The following EVI5 variants were observed in gnomAD, a reference collection of about 807,000 sequenced individuals.
The protein encoded by EVI5 is ecotropic viral integration site 5 protein homolog.
In EVI5, 73 loss-of-function variants were observed where a neutral mutation model predicts 112.0. That is an observed-to-expected ratio of 0.65 (90% confidence interval 0.54 to 0.79). The LOEUF (loss-of-function observed/expected upper bound fraction) is 0.79, where lower values mean the gene tolerates loss of function less well. Among genes scored for constraint, EVI5 ranks in the 30% least tolerant of loss-of-function variants. The probability of loss-of-function intolerance (pLI) is 0.00; values close to 1 mark genes in which losing one functional copy is unlikely to be tolerated. For missense variants in EVI5, 900 were observed against 968.8 expected (o/e 0.93, Z 0.94); for synonymous variants, 305 against 319.9 (o/e 0.95, Z 0.50).
chr1:92,676,067 C>G (rs1666699364), intron 10 of EVI5, among the ~76,000 whole-genome samples: 1 of 147,586 alleles, frequency 6.8e-6, no homozygotes, highest in African/African-American at 2.5e-5. Context: ...GGGGTCTTTT[C>G]TATATATATA....
In EVI5 at chr1:92,694,317, G is replaced by T; in HGVS notation, c.981C>A (p.Asp327Glu). Residue 327 changes from aspartate to glutamate, a missense_variant, in exon 8 of 20, where the codon GAC (aspartate) becomes GAA (glutamate). Coordinates refer to ENST00000684568, the MANE Select transcript of EVI5 (RefSeq NM_001350197.2). ...AACTTACCTGTAACATCCCTTCCAT[G>T]TCAAGTTGCATCAGTTCTGCCTGAT... ...QMNQAELMQL[D>E]MEGMLQHFQK... The T allele has an allele frequency of 6.3e-7, 1 of 1,579,524 alleles. No homozygotes were observed. Among genetic ancestry groups the T allele is most frequent in the Non-Finnish European group, 8.7e-7 (1 of 1,152,728 alleles).
intron 18 of EVI5, among the ~76,000 whole-genome samples, chr1:92,587,508 A>G (rs546799455): frequency 3.7e-4 from 56 of 152,252 alleles, no homozygotes; most frequent in African/African-American, 1.3e-3. Flanking sequence ...TCACATAATT[A>G]AAAAATATAA....
At chr1:92,720,243 G>C (rs1240446391) in intron 2 of EVI5, among the ~76,000 whole-genome samples, 1 of 152,012 alleles carries the variant, frequency 6.6e-6, no homozygotes, top group East Asian at 1.9e-4. Flanking sequence ...AAAGAACAAA[G>C]CTGGAAGCAT....
chr1:92,635,894 T>C (rs1299086858), intron 14 of EVI5, among the ~76,000 whole-genome samples: 1 of 152,218 alleles, frequency 6.6e-6, no homozygotes, highest in Non-Finnish European at 1.5e-5. Context: ...AGTTAATTTC[T>C]GTCACCTGAG....
chr1:92,756,270 T>C (rs77959127), intron 1 of EVI5: 7,693 of 430,482 alleles, frequency 0.018, 294 homozygotes, highest in African/African-American at 0.096. Flanking sequence ...GAATTTGTTC[T>C]CTCTGAAGTA....
chr1:92,687,084 C>A (rs1668672228), intron 9 of EVI5, among the ~76,000 whole-genome samples: 1 of 152,160 alleles, frequency 6.6e-6, no homozygotes, highest in Non-Finnish European at 1.5e-5. Context: ...ATTGCCGAAA[C>A]AATCCTAAGC....
At chr1:92,621,712 A>C (rs1654634740) in intron 16 of EVI5, among the ~76,000 whole-genome samples, 1 of 152,240 alleles carries the variant, frequency 6.6e-6, no homozygotes, top group African/African-American at 2.4e-5. Context: ...TGAGAGTTGA[A>C]CAATCATTTA....
At chr1:92,618,082 G>A (rs1653632440) in intron 16 of EVI5, among the ~76,000 whole-genome samples, 1 of 152,182 alleles carries the variant, frequency 6.6e-6, no homozygotes, top group Admixed American at 6.5e-5. Flanking sequence ...TCAACTAGGT[G>A]ACAATACTTT....
intron 19 of EVI5, among the ~76,000 whole-genome samples, chr1:92,530,441 G>C (rs1324636123): frequency 6.6e-6 from 1 of 152,056 alleles, no homozygotes; most frequent in Admixed American, 6.6e-5. Flanking sequence ...GCTCTGATAA[G>C]GGACAGACTG....
At chr1:92,749,066 CAAAAAAAA>C (rs60282362) in intron 1 of EVI5, 24 of 104,500 alleles carry the variant, frequency 2.3e-4, no homozygotes, top group Non-Finnish European at 3.2e-4. Flanking sequence ...AACTCTGTCT[CAAAAAAAA>C]AAAAAAAAAA....
chr1:92,778,251 A>T (rs546813851), intron 1 of EVI5, among the ~76,000 whole-genome samples: 2 of 152,222 alleles, frequency 1.3e-5, no homozygotes, highest in Admixed American at 1.3e-4. Context: ...AACTAAGAAC[A>T]AACCGGTTTA....
chr1:92,697,656 C>G lies in EVI5; in HGVS notation c.765+204G>C, dbSNP rs527395561. ...AATGCTTAAGGATTGAATATGAAAA[C>G]TGGAGTCAAGTCCTAGACTGTGATC... On this transcript the variant is annotated intron_variant, in intron 6 of 19. Transcript: ENST00000684568. Among the ~76,000 whole-genome samples, 149 of 152,258 alleles carry G rather than the reference C, an allele frequency of 9.8e-4. 1 individual carries two copies. The highest frequency in any genetic ancestry group is 3.3e-3 in the South Asian group (16 of 4,826).
intron 14 of EVI5, among the ~76,000 whole-genome samples, chr1:92,634,734 C>T (rs1004732553): frequency 2.0e-5 from 3 of 152,208 alleles, no homozygotes; most frequent in African/African-American, 7.2e-5. Flanking sequence ...AGCTGCGTTC[C>T]TTTAGAGGAG....
chr1:92,624,795 T>A (rs1388780798), intron 15 of EVI5, among the ~76,000 whole-genome samples: 1 of 150,758 alleles, frequency 6.6e-6, no homozygotes, highest in African/African-American at 2.4e-5. Flanking sequence ...GGTCACCATA[T>A]TAAACAACTT....
chr1:92,677,537 A>T (rs530912304), intron 9 of EVI5, among the ~76,000 whole-genome samples: 1 of 152,326 alleles, frequency 6.6e-6, no homozygotes, highest in South Asian at 2.1e-4. Flanking sequence ...CTTATTTCTC[A>T]AATTAAAACA....
At chr1:92,714,552 A>C (rs1337537657) in intron 2 of EVI5, among the ~76,000 whole-genome samples, 1 of 152,252 alleles carries the variant, frequency 6.6e-6, no homozygotes, top group African/African-American at 2.4e-5. Flanking sequence ...CAGAACAGGA[A>C]GAAGAGCACT....
intron 1 of EVI5, among the ~76,000 whole-genome samples, chr1:92,781,141 C>A (rs908360522): frequency 6.6e-6 from 1 of 152,000 alleles, no homozygotes; most frequent in Admixed American, 6.6e-5. Context: ...TGAGCCACCA[C>A]GCCCGGCCTA....
At position 92,652,458 on chromosome 1, in the gene EVI5, C is replaced by T. The variant is rs150763606; in HGVS notation, c.1392+10261G>A. On this transcript the variant is annotated intron_variant, in intron 13 of 19. Transcript: ENST00000684568. ...AATATTATAAATGTACTTAATGACA[C>T]TGAACTGTACACTTAAATGGTAAAT... is the stretch of plus-strand genomic sequence containing the variant. Among the ~76,000 whole-genome samples, 1,030 of 152,214 alleles carry T rather than the reference C, an allele frequency of 6.8e-3. 11 individuals are homozygous for T. The highest frequency in any genetic ancestry group is 0.023 in the African/African-American group (947 of 41,516).
chr1:92,624,553 T>C (rs577992377), intron 15 of EVI5, among the ~76,000 whole-genome samples: 20 of 151,862 alleles, frequency 1.3e-4, no homozygotes, highest in African/African-American at 4.1e-4. Flanking sequence ...TAAGATAGAA[T>C]TTATTGGCCA....
Sources: allele counts gnomAD v4.1 joint callset (sites outside exome capture counted in the v4.1 genomes callset), GRCh38; gene constraint gnomAD v4.1.1; transcripts MANE v1.5; gene names NCBI Gene and HGNC (gene_info 2026-07-23, HGNC 2026-07-21).